The following SEMA3A variants were observed in gnomAD, a reference collection of about 807,000 sequenced individuals.
The protein encoded by SEMA3A is semaphorin 3A, also known as semaphorin-3A.
A neutral mutation model predicts 97.9 loss-of-function variants in SEMA3A; 29 were observed. The ratio of observed to expected loss-of-function variants is 0.30; its 90% CI spans 0.22 to 0.40. The LOEUF (loss-of-function observed/expected upper bound fraction) is 0.40, where lower values mean the gene tolerates loss of function less well. Among genes scored for constraint, SEMA3A ranks in the 10% least tolerant of loss-of-function variants. The pLI, the probability that SEMA3A is intolerant of heterozygous loss-of-function variation, is 1.00. For missense variants in SEMA3A, 763 were observed against 951.3 expected, an observed-to-expected ratio of 0.80 and a Z score of 2.60; for synonymous variants, 321 against 323.7, an observed-to-expected ratio of 0.99 and a Z score of 0.09.
intron 1 of SEMA3A, among the ~76,000 whole-genome samples, chr7:84,461,994 T>C (rs1464399806): frequency 6.6e-6 from 1 of 152,144 alleles, no homozygotes; most frequent in Non-Finnish European, 1.5e-5. Context: ...TTCAGTCTTT[T>C]GAACATCTCT....
intron 1 of SEMA3A, among the ~76,000 whole-genome samples, chr7:84,178,282 C>T (rs377463995): frequency 3.9e-5 from 6 of 151,968 alleles, no homozygotes; most frequent in East Asian, 1.9e-4. Context: ...GCACTTTGAT[C>T]GCTTGACCTG....
At chr7:84,238,745 C>T (rs894218844) in intron 3 of SEMA3A, among the ~76,000 whole-genome samples, 1 of 151,428 alleles carries the variant, frequency 6.6e-6, no homozygotes, top group African/African-American at 2.4e-5. Context: ...TACGGAGTCA[C>T]GCTCTGTTGC....
intron 15 of SEMA3A, among the ~76,000 whole-genome samples, chr7:83,973,573 C>T (rs574251040): frequency 3.5e-4 from 53 of 152,234 alleles, no homozygotes; most frequent in African/African-American, 1.2e-3. Flanking sequence ...GGCTAAGACA[C>T]AGACTATAAT....
At chr7:84,061,207 A>T (rs1793203682) in intron 4 of SEMA3A, among the ~76,000 whole-genome samples, 2 of 152,150 alleles carry the variant, frequency 1.3e-5, no homozygotes, top group African/African-American at 4.8e-5. Flanking sequence ...GTGTCAATGG[A>T]ATAACAAGCA....
At chr7:84,357,597 T>C (rs1036477112) in intron 2 of SEMA3A, among the ~76,000 whole-genome samples, 50 of 152,088 alleles carry the variant, frequency 3.3e-4, no homozygotes, top group South Asian at 8.3e-4. Flanking sequence ...AATAAACATA[T>C]GTGTGCATGT....
At chr7:84,280,772 C>T (rs1022829793) in intron 3 of SEMA3A, among the ~76,000 whole-genome samples, 5 of 151,568 alleles carry the variant, frequency 3.3e-5, no homozygotes, top group Non-Finnish European at 5.9e-5. Context: ...AAGTGAGACT[C>T]GGTGTCAAAA....
At chr7:84,030,856 C>T (rs148731864) in intron 6 of SEMA3A, among the ~76,000 whole-genome samples, 288 of 152,086 alleles carry the variant, frequency 1.9e-3, no homozygotes, top group African/African-American at 6.6e-3. Flanking sequence ...TGGAAAAGCA[C>T]ATATTTCATT....
At chr7:84,288,515 T>C (rs1800651652) in intron 3 of SEMA3A, among the ~76,000 whole-genome samples, 1 of 152,078 alleles carries the variant, frequency 6.6e-6, no homozygotes, top group South Asian at 2.1e-4. Flanking sequence ...CTGGCCAACA[T>C]GGCGAAATCC....
At chr7:84,068,284 G>C (rs545023768) in intron 4 of SEMA3A, among the ~76,000 whole-genome samples, 184 of 145,066 alleles carry the variant, frequency 1.3e-3, no homozygotes, top group Middle Eastern at 7.0e-3. Context: ...GGGGTGGGGT[G>C]AGGGGGGAGG....
intron 1 of SEMA3A, among the ~76,000 whole-genome samples, chr7:84,148,756 C>A (rs1380774027): frequency 6.6e-6 from 1 of 152,186 alleles, no homozygotes; most frequent in Non-Finnish European, 1.5e-5. Context: ...GATCCTCCTC[C>A]AGCTACTCGA....
intron 2 of SEMA3A, among the ~76,000 whole-genome samples, chr7:84,328,163 G>T (rs1263516505): frequency 5.3e-5 from 8 of 151,816 alleles, no homozygotes. Context: ...TAATCTTTAG[G>T]AATATTACTC....
chr7:84,205,286 C>T (rs1042740190), intron 3 of SEMA3A, among the ~76,000 whole-genome samples: 1 of 152,132 alleles, frequency 6.6e-6, no homozygotes. Context: ...TTGTTTCATG[C>T]TGTTTTCAGA....
chr7:84,417,890 A>G (rs1393923053), intron 1 of SEMA3A, among the ~76,000 whole-genome samples: 1 of 152,176 alleles, frequency 6.6e-6, no homozygotes. Flanking sequence ...TTATATAGAT[A>G]GCAATTACTA....
intron 3 of SEMA3A, among the ~76,000 whole-genome samples, chr7:84,253,158 A>G (rs1799646066): frequency 6.6e-6 from 1 of 152,184 alleles, no homozygotes; most frequent in Admixed American, 6.5e-5. Context: ...GATTACGGGC[A>G]TGAGCCAAGG....
chr7:83,994,924 G>T (rs925423382), intron 12 of SEMA3A, among the ~76,000 whole-genome samples: 1 of 151,968 alleles, frequency 6.6e-6, no homozygotes, highest in Non-Finnish European at 1.5e-5. Context: ...CCTAGCTGCC[G>T]CCTTGCAGTT....
Position 84,143,143 on chromosome 7 carries a change from G to T in SEMA3A, c.113-8192C>A, listed in dbSNP as rs114395818. Reference sequence around the variant, plus strand: ...TCTTCTTACAGAACTTCCTTTCCAGGTTTACACCAACAAACCATGTTATAT... The same window carrying T: ...TCTTCTTACAGAACTTCCTTTCCAGTTTTACACCAACAAACCATGTTATAT... On this transcript the variant is annotated intron_variant, in intron 1 of 16. Coordinates refer to ENST00000265362, the MANE Select transcript of SEMA3A (RefSeq NM_006080.3). 3.2e-3 allele frequency among the ~76,000 whole-genome samples: 481 copies of T among 152,074 alleles called. 1 individual carries two copies. The highest frequency in any genetic ancestry group is 0.011 in the African/African-American group (455 of 41,462).
At chr7:84,421,585 G>C (rs1253406494) in intron 1 of SEMA3A, among the ~76,000 whole-genome samples, 2 of 152,074 alleles carry the variant, frequency 1.3e-5, no homozygotes, top group Non-Finnish European at 2.9e-5. Context: ...GGGCATCGTT[G>C]TCTTGTGCTG....
chr7:84,311,521 T>G (rs1227775201), intron 2 of SEMA3A, among the ~76,000 whole-genome samples: 1 of 151,880 alleles, frequency 6.6e-6, no homozygotes, highest in Admixed American at 6.6e-5. Flanking sequence ...TACAGGGTTT[T>G]TTGTGCTCCC....
At chr7:84,042,754 C>T (rs990516471) in intron 6 of SEMA3A, among the ~76,000 whole-genome samples, 1 of 151,932 alleles carries the variant, frequency 6.6e-6, no homozygotes, top group Non-Finnish European at 1.5e-5. Flanking sequence ...CATGTATCAT[C>T]CCACTATTAC....
Sources: allele counts gnomAD v4.1 joint callset (sites outside exome capture counted in the v4.1 genomes callset), GRCh38; gene constraint gnomAD v4.1.1; transcripts MANE v1.5; gene names NCBI Gene and HGNC (gene_info 2026-07-23, HGNC 2026-07-21).